KBTBD12: variants seen among roughly 807,000 people sequenced by gnomAD.
KBTBD12 encodes kelch repeat and BTB domain containing 12.
Under a neutral mutation model 58.7 loss-of-function variants are expected in KBTBD12, and 53 were observed. That is an observed-to-expected ratio of 0.90 (90% CI 0.72 to 1.14). The LOEUF is 1.14. Ranked by LOEUF, KBTBD12 falls within the 50% of genes most tolerant of loss-of-function variation. KBTBD12 has a pLI of 0.00. For synonymous variants in KBTBD12, 236 were observed against 259.8 expected (o/e 0.91, Z 0.88); for missense variants, 704 against 751.3 (o/e 0.94, Z 0.74).
chr3:127,927,665 T>C, intron 2 of KBTBD12, 99 bp from the exon 3 acceptor site: 2 of 891,160 alleles, frequency 2.2e-6, no homozygotes, highest in Non-Finnish European at 3.3e-6. Flanking sequence ...GGAAGAACCA[T>C]ATCTCATTAT....
chr3:127,933,455 A>G (rs1247419879), intron 4 of KBTBD12, among the ~76,000 whole-genome samples: 1 of 152,200 alleles, frequency 6.6e-6, no homozygotes, highest in Admixed American at 6.5e-5. Context: ...AACAGCCCAC[A>G]AAAGAACTGG....
rs145414584 is a variant in KBTBD12, at chr3:127,984,122, A to T, written c.1716A>T (p.Glu572Asp). 63 of 1,613,464 alleles carry T rather than the reference A, an allele frequency of 3.9e-5. No individual in the cohort carries two copies. The highest frequency in any genetic ancestry group is 5.1e-5 in the Non-Finnish European group (60 of 1,179,762). The change falls in exon 6 of 6, where the codon GAA becomes GAT. Residue 572 changes from glutamate to aspartate, a missense_variant. Coordinates refer to ENST00000405109, the MANE Select transcript of KBTBD12 (RefSeq NM_207335.4). The part of the protein sequence containing the change: ...GADRHEVISK[E>D]ILELDPWENQ... ...ATCGCCATGAGGTTATCTCCAAAGA[A>T]ATATTGGAACTGGACCCATGGGAAA...
At chr3:127,948,895 G>C (rs1940144964) in intron 4 of KBTBD12, among the ~76,000 whole-genome samples, 1 of 152,154 alleles carries the variant, frequency 6.6e-6, no homozygotes, top group Admixed American at 6.5e-5. Context: ...TAACTTATCA[G>C]CTGTAAAACT....
At chr3:127,950,327 C>A (rs911040759) in intron 4 of KBTBD12, among the ~76,000 whole-genome samples, 1 of 152,148 alleles carries the variant, frequency 6.6e-6, no homozygotes, top group African/African-American at 2.4e-5. Flanking sequence ...CGGAGAGGAA[C>A]AAACATCCAG....
chr3:127,917,100 G>A (rs1329899596), intron 1 of KBTBD12, among the ~76,000 whole-genome samples: 1 of 152,116 alleles, frequency 6.6e-6, no homozygotes, highest in Non-Finnish European at 1.5e-5. Flanking sequence ...CAGCAGCTTG[G>A]GTGTCCTCTA....
intron 5 of KBTBD12, among the ~76,000 whole-genome samples, chr3:127,973,318 T>G (rs1215497709): frequency 6.6e-6 from 1 of 151,952 alleles, no homozygotes. Flanking sequence ...CTCAAAAAAA[T>G]TAATGTCACA....
rs552052964 is a variant in KBTBD12 at position 127,919,903 on chromosome 3, T to G, written c.-112-3047T>G. Among the ~76,000 whole-genome samples the G allele has an allele frequency of 3.0e-4, 46 of 152,286 alleles. No homozygotes were observed. The South Asian group carries it at 3.9e-3, about 13-fold the overall frequency. ...GCAGTTTTTTAAAATTTTAAACTTATACAATATTTAAGATATACAAAGAGG... is the reference window on the plus strand; with the variant it reads ...GCAGTTTTTTAAAATTTTAAACTTAGACAATATTTAAGATATACAAAGAGG... On this transcript the variant is annotated intron_variant, in intron 1 of 5. Transcript: ENST00000405109.
At chr3:127,961,697 A>G (rs949184172) in intron 4 of KBTBD12, among the ~76,000 whole-genome samples, 1 of 151,866 alleles carries the variant, frequency 6.6e-6, no homozygotes, top group African/African-American at 2.4e-5. Context: ...AGGCAGGGAA[A>G]GCACATGCAA....
intron 4 of KBTBD12, among the ~76,000 whole-genome samples, chr3:127,948,057 C>T (rs1377054611): frequency 6.6e-6 from 1 of 152,118 alleles, no homozygotes; most frequent in African/African-American, 2.4e-5. Context: ...ATGTTTTAGA[C>T]ACATTTCTTT....
intron 4 of KBTBD12, among the ~76,000 whole-genome samples, chr3:127,948,380 C>T (rs1940132506): frequency 6.6e-6 from 1 of 152,186 alleles, no homozygotes; most frequent in South Asian, 2.1e-4. Flanking sequence ...TTGGTTGATG[C>T]TGGCCCCGTA....
chr3:127,937,477 G>A (rs983467126), intron 4 of KBTBD12, among the ~76,000 whole-genome samples: 46 of 152,102 alleles, frequency 3.0e-4, no homozygotes, highest in African/African-American at 1.1e-3. Context: ...CTGAAAATTA[G>A]TGAATAGAAG....
At chr3:127,924,822 G>A (rs1939525761) in intron 2 of KBTBD12, among the ~76,000 whole-genome samples, 1 of 152,134 alleles carries the variant, frequency 6.6e-6, no homozygotes, top group Non-Finnish European at 1.5e-5. Flanking sequence ...CTAAGAAGTA[G>A]CATATCATCT....
At chr3:127,961,149 C>T (rs1433896170) in intron 4 of KBTBD12, among the ~76,000 whole-genome samples, 1 of 152,202 alleles carries the variant, frequency 6.6e-6, no homozygotes, top group Non-Finnish European at 1.5e-5. Flanking sequence ...GATCATCTTA[C>T]TCTTACCTTA....
intron 4 of KBTBD12, among the ~76,000 whole-genome samples, chr3:127,962,053 C>T (rs1559771581): frequency 2.0e-5 from 3 of 152,202 alleles, no homozygotes; most frequent in Admixed American, 6.5e-5. Context: ...TCTTCCAGGA[C>T]CTCTCTATGT....
At chr3:127,938,973 C>T (rs539019902) in intron 4 of KBTBD12, among the ~76,000 whole-genome samples, 1 of 152,290 alleles carries the variant, frequency 6.6e-6, no homozygotes, top group African/African-American at 2.4e-5. Flanking sequence ...CTGATAGCCC[C>T]TAGCCTGAAG....
chr3:127,921,470 GA>G (rs1300069791), intron 1 of KBTBD12, among the ~76,000 whole-genome samples: 1 of 152,118 alleles, frequency 6.6e-6, no homozygotes, highest in Non-Finnish European at 1.5e-5. Context: ...CCAAACCAGG[GA>G]AAGCCCCCAT....
chr3:127,934,380 T>C (rs191408926), intron 4 of KBTBD12, among the ~76,000 whole-genome samples: 8 of 152,244 alleles, frequency 5.3e-5, no homozygotes, highest in Non-Finnish European at 1.2e-4. Flanking sequence ...ACTTGAAATC[T>C]ATAGAGATTA....
chr3:127,921,007 C>G (rs1232454786), intron 1 of KBTBD12, among the ~76,000 whole-genome samples: 1 of 151,832 alleles, frequency 6.6e-6, no homozygotes, highest in African/African-American at 2.4e-5. Flanking sequence ...GCTCTCTTCA[C>G]TTAGGAGCTG....
intron 4 of KBTBD12, among the ~76,000 whole-genome samples, chr3:127,949,870 T>C (rs925627820): frequency 2.0e-5 from 3 of 152,150 alleles, no homozygotes; most frequent in Non-Finnish European, 4.4e-5. Context: ...GGGAAGGAGT[T>C]GGAAACTGAA....
Sources: gnomAD v4.1 joint callset for allele counts (sites outside exome capture counted in the v4.1 genomes callset) on GRCh38, gnomAD v4.1.1 for gene constraint, MANE v1.5 for transcripts, NCBI Gene and HGNC (gene_info 2026-07-23, HGNC 2026-07-21) for gene names.